KCNJ4: variants seen among roughly 807,000 people sequenced by gnomAD.
KCNJ4 encodes the protein inward rectifier potassium channel 4.
KCNJ4 carries 3 observed loss-of-function variants against 25.6 expected under a neutral mutation model. The observed-to-expected ratio is 0.12, with a 90% CI of 0.05 to 0.30. The LOEUF is 0.30. Among genes scored for constraint, KCNJ4 ranks in the 10% least tolerant of loss-of-function variants. The pLI, the probability that KCNJ4 is intolerant of heterozygous loss-of-function variation, is 1.00. For missense variants in KCNJ4, 286 were observed against 666.8 expected, an observed-to-expected ratio of 0.43 and a Z score of 6.29; for synonymous variants, 257 against 283.9, an observed-to-expected ratio of 0.91 and a Z score of 0.95.
intron 1 of KCNJ4, among the ~76,000 whole-genome samples, chr22:38,450,806 C>T (rs2089406174): frequency 6.6e-6 from 1 of 152,168 alleles, no homozygotes; most frequent in African/African-American, 2.4e-5. Context: ...GAATGGAGCC[C>T]CCAGAGGAGC....
chr22:38,437,029 T>C (rs1453346668), intron 1 of KCNJ4, among the ~76,000 whole-genome samples: 4 of 152,190 alleles, frequency 2.6e-5, no homozygotes, highest in African/African-American at 9.7e-5. Context: ...ACAGGGCAAG[T>C]TGGAGCCAGG....
chr22:38,434,409 T>C (rs1225791768), intron 1 of KCNJ4, among the ~76,000 whole-genome samples: 2 of 152,186 alleles, frequency 1.3e-5, no homozygotes, highest in Non-Finnish European at 2.9e-5. Context: ...ACTGTATCCT[T>C]TGTGTATTTA....
chr22:38,452,267 C>T (rs2089414541), intron 1 of KCNJ4, among the ~76,000 whole-genome samples: 1 of 152,180 alleles, frequency 6.6e-6, no homozygotes, highest in Non-Finnish European at 1.5e-5. Context: ...CAAGGGGCTG[C>T]CCAAGGTCAC....
rs572014491 is a variant in KCNJ4, at chr22:38,432,691, G to T, written c.-39-4520C>A. ...TGAGCCTAAGAAGGATCAATGGGCC[G>T]GGCGCGGTGGCTCACGCCTGTAACC... On this transcript the variant is annotated intron_variant, in intron 1 of 1. Transcript: ENST00000303592. Among the ~76,000 whole-genome samples, 137 of 152,302 alleles carry T rather than the reference G, an allele frequency of 9.0e-4. 1 individual carries two copies. The highest frequency in any genetic ancestry group is 3.2e-3 in the African/African-American group (131 of 41,548).
At chr22:38,441,572 G>A (rs948134968) in intron 1 of KCNJ4, among the ~76,000 whole-genome samples, 1 of 152,114 alleles carries the variant, frequency 6.6e-6, no homozygotes, top group East Asian at 1.9e-4. Flanking sequence ...GGGGGATGGG[G>A]GCTAATGTGC....
chr22:38,442,205 A>G (rs985154011), intron 1 of KCNJ4, among the ~76,000 whole-genome samples: 2 of 152,058 alleles, frequency 1.3e-5, no homozygotes, highest in African/African-American at 4.8e-5. Flanking sequence ...TGCACATGAA[A>G]AGTTTTAAAA....
At chr22:38,444,988 T>G (rs1016183792) in intron 1 of KCNJ4, among the ~76,000 whole-genome samples, 12 of 152,158 alleles carry the variant, frequency 7.9e-5, no homozygotes, top group Non-Finnish European at 1.8e-4. Flanking sequence ...ATTGAGCACC[T>G]ACTGTATGCT....
At chr22:38,448,708 T>C (rs1317616864) in intron 1 of KCNJ4, among the ~76,000 whole-genome samples, 1 of 152,144 alleles carries the variant, frequency 6.6e-6, no homozygotes, top group Non-Finnish European at 1.5e-5. Flanking sequence ...TCTGCCACCA[T>C]TGCTGAGTGA....
At chr22:38,431,102 G>A (rs539170646) in intron 1 of KCNJ4, among the ~76,000 whole-genome samples, 357 of 152,354 alleles carry the variant, frequency 2.3e-3, no homozygotes, top group African/African-American at 7.4e-3. Flanking sequence ...CCTTCAACGG[G>A]TGAGGTCACT....
chr22:38,454,442 G>A (rs1282275279), intron 1 of KCNJ4, among the ~76,000 whole-genome samples: 1 of 152,146 alleles, frequency 6.6e-6, no homozygotes, highest in East Asian at 1.9e-4. Context: ...TCCCTCCCCA[G>A]CCTGTGTCTA....
intron 1 of KCNJ4, among the ~76,000 whole-genome samples, chr22:38,442,331 G>C (rs1176127793): frequency 6.6e-6 from 1 of 152,084 alleles, no homozygotes; most frequent in East Asian, 1.9e-4. Flanking sequence ...GGCGGATCAC[G>C]AGGTCAGGAG....
chr22:38,426,973 A>G lies in KCNJ4; in HGVS notation c.1160T>C (p.Met387Thr). 6.2e-7 allele frequency: 1 copy of G among 1,612,284 alleles called. No homozygotes were observed. The highest frequency in any genetic ancestry group is 8.5e-7 in the Non-Finnish European group (1 of 1,179,734). The change falls in exon 2 of 2, where the codon ATG becomes ACG. Residue 387 changes from methionine to threonine, a missense_variant. Physicochemically the swap from Met to Thr is moderately conservative, Grantham distance 81 (BLOSUM62 -1). Transcript: ENST00000303592. ...LALMSQEEEEMEEEAAAAAAV... is the reference protein window; with the variant it reads ...LALMSQEEEETEEEAAAAAAV... Reference sequence around the variant, plus strand: ...GGCCGCCGCAGCTGCCTCCTCCTCCATCTCCTCTTCCTCCTGGCTCATAAG... The same window carrying G: ...GGCCGCCGCAGCTGCCTCCTCCTCCGTCTCCTCTTCCTCCTGGCTCATAAG...
At chr22:38,454,409 C>T (rs995918619) in intron 1 of KCNJ4, among the ~76,000 whole-genome samples, 8 of 152,124 alleles carry the variant, frequency 5.3e-5, no homozygotes, top group Non-Finnish European at 1.2e-4. Context: ...TCCCTACACA[C>T]GGAGGAAAAA....
intron 1 of KCNJ4, among the ~76,000 whole-genome samples, chr22:38,431,694 T>C (rs527837892): frequency 1.2e-4 from 19 of 152,192 alleles, no homozygotes; most frequent in Non-Finnish European, 2.5e-4. Context: ...CTTGCTCAAA[T>C]AAGAGCACGC....
chr22:38,433,517 A>G (rs1020931635), intron 1 of KCNJ4, among the ~76,000 whole-genome samples: 42 of 151,932 alleles, frequency 2.8e-4, no homozygotes, highest in African/African-American at 9.9e-4. Context: ...GGGTCTTACT[A>G]TGTTTCCTAG....
chr22:38,444,147 C>T (rs911908372), intron 1 of KCNJ4, among the ~76,000 whole-genome samples: 1 of 152,176 alleles, frequency 6.6e-6, no homozygotes, highest in Non-Finnish European at 1.5e-5. Context: ...TCCTGGCAGC[C>T]CTTAGCAGTC....
chr22:38,430,042 C>T (rs985292660), intron 1 of KCNJ4, among the ~76,000 whole-genome samples: 2 of 152,148 alleles, frequency 1.3e-5, no homozygotes, highest in Admixed American at 1.3e-4. Flanking sequence ...GTGAGCCCTG[C>T]CCCCACCTCC....
intron 1 of KCNJ4, among the ~76,000 whole-genome samples, chr22:38,442,449 A>T (rs1485317695): frequency 6.7e-6 from 1 of 149,964 alleles, no homozygotes; most frequent in East Asian, 2.1e-4. Context: ...CGGGAGGCTG[A>T]GGAAGGAGAA....
chr22:38,454,467 C>A (rs1252780505), intron 1 of KCNJ4, among the ~76,000 whole-genome samples: 1 of 152,202 alleles, frequency 6.6e-6, no homozygotes, highest in Non-Finnish European at 1.5e-5. Context: ...TGTGAACGTG[C>A]AGTGCCTCCT....
Sources: allele counts gnomAD v4.1 joint callset (sites outside exome capture counted in the v4.1 genomes callset), GRCh38; gene constraint gnomAD v4.1.1; transcripts MANE v1.5; gene names NCBI Gene and HGNC (gene_info 2026-07-23, HGNC 2026-07-21).